The following ARFGEF1 variants were observed in gnomAD, a reference collection of about 807,000 sequenced individuals.
The protein encoded by ARFGEF1 is brefeldin A-inhibited guanine nucleotide-exchange protein 1.
A neutral mutation model predicts 231.0 loss-of-function variants in ARFGEF1; 42 were observed. That is an observed-to-expected ratio of 0.18 (90% CI 0.14 to 0.24). ARFGEF1 has a LOEUF of 0.24. Ranked by LOEUF, ARFGEF1 falls within the 10% of genes least tolerant of loss-of-function variation. The pLI is 1.00. For missense variants in ARFGEF1, 1,345 were observed against 2,192.0 expected (o/e 0.61, Z 7.72); for synonymous variants, 710 against 732.3 (o/e 0.97, Z 0.49).
intron 38 of ARFGEF1, chr8:67,200,171 TC>T (rs1471402792): frequency 7.0e-6 from 4 of 570,360 alleles, no homozygotes; most frequent in South Asian, 6.2e-5. Context: ...GCCTACTGAA[TC>T]CCCTAGAGAA....
At chr8:67,212,252 T>C (rs1838777716) in intron 33 of ARFGEF1, among the ~76,000 whole-genome samples, 1 of 152,088 alleles carries the variant, frequency 6.6e-6, no homozygotes, top group South Asian at 2.1e-4. Flanking sequence ...CCGGCTCATT[T>C]TGTATTTTTA....
intron 35 of ARFGEF1, 34 bp from the exon 36 acceptor site, chr8:67,203,285 C>T (rs1838397486): frequency 6.2e-7 from 1 of 1,600,170 alleles, no homozygotes; most frequent in African/African-American, 1.3e-5. Context: ...CATATACACA[C>T]AGTCACAATA....
intron 1 of ARFGEF1, 72 bp downstream of exon 1, chr8:67,343,088 ACCCC>A: frequency 5.0e-6 from 2 of 399,152 alleles, no homozygotes; most frequent in South Asian, 2.0e-5. Context: ...GCCCCGGGCG[ACCCC>A]ACCCCCCCAC....
chr8:67,337,046 G>A (rs1342335348), intron 1 of ARFGEF1, among the ~76,000 whole-genome samples: 3 of 148,268 alleles, frequency 2.0e-5, no homozygotes, highest in Non-Finnish European at 3.0e-5. Context: ...GGAGAATGGC[G>A]TGAACTCGGG....
chr8:67,239,571 G>A (rs1344027357), intron 20 of ARFGEF1, among the ~76,000 whole-genome samples: 2 of 150,770 alleles, frequency 1.3e-5, no homozygotes, highest in African/African-American at 4.9e-5. Flanking sequence ...CTTTTGTTTT[G>A]ATTACTAGAT....
Sources: allele counts gnomAD v4.1 joint callset (sites outside exome capture counted in the v4.1 genomes callset), GRCh38; gene constraint gnomAD v4.1.1; transcripts MANE v1.5; gene names NCBI Gene and HGNC (gene_info 2026-07-23, HGNC 2026-07-21).